WRN: variants seen among roughly 807,000 people sequenced by gnomAD.
WRN encodes the protein WRN RecQ like helicase, also known as bifunctional 3'-5' exonuclease/ATP-dependent helicase WRN.
A neutral mutation model predicts 180.7 loss-of-function variants in WRN; 149 were observed. That is an observed-to-expected ratio of 0.82 (90% CI 0.72 to 0.94). The LOEUF (loss-of-function observed/expected upper bound fraction) is 0.94, where lower values mean the gene tolerates loss of function less well. Among genes scored for constraint, WRN ranks in the 40% least tolerant of loss-of-function variants. The pLI is 0.00. For missense variants in WRN, 1,661 were observed against 1,700.1 expected, an observed-to-expected ratio of 0.98 and a Z score of 0.40; for synonymous variants, 548 against 568.9, an observed-to-expected ratio of 0.96 and a Z score of 0.52.
At chr8:31,165,946 G>A (rs761652230) in intron 33 of WRN, among the ~76,000 whole-genome samples, 4 of 151,894 alleles carry the variant, frequency 2.6e-5, no homozygotes, top group Non-Finnish European at 4.4e-5. Context: ...ATGTATAGAG[G>A]TTATCTTTTC....
chr8:31,044,336 G>A (rs1013968052), intron 1 of WRN, among the ~76,000 whole-genome samples: 2 of 124,708 alleles, frequency 1.6e-5, no homozygotes, highest in African/African-American at 6.0e-5. Context: ...CCGCTTGCCC[G>A]ACCTTCTTTT....
At chr8:31,106,427 A>G (rs1021503254) in intron 18 of WRN, among the ~76,000 whole-genome samples, 1 of 152,068 alleles carries the variant, frequency 6.6e-6, no homozygotes, top group African/African-American at 2.4e-5. Flanking sequence ...ACCGATCCTC[A>G]TGTAATCTGG....
chr8:31,083,648 G>A, intron 9 of WRN, 51 bp from the exon 10 acceptor site: 1 of 1,456,192 alleles, frequency 6.9e-7, no homozygotes, highest in Admixed American at 1.7e-5. Context: ...GCAGAAAAGA[G>A]GATATGAAGT....
At chr8:31,142,499 GT>G (rs1802680710) in intron 26 of WRN, 126 bp from the exon 27 acceptor site, 1 of 700,062 alleles carries the variant, frequency 1.4e-6, no homozygotes, top group African/African-American at 1.9e-5. Context: ...AAAAAAATCA[GT>G]TTTAAGAATC....
chr8:31,121,320 A>G (rs767059939), intron 21 of WRN, among the ~76,000 whole-genome samples: 3 of 151,932 alleles, frequency 2.0e-5, no homozygotes, highest in Non-Finnish European at 4.4e-5. Flanking sequence ...AGTGCCTCCC[A>G]CTACAGTTTT....
Position 31,039,158 on chromosome 8 carries a change from G to A in WRN, c.-77+5185G>A, listed in dbSNP as rs1299457940. 4.6e-5 allele frequency among the ~76,000 whole-genome samples: 7 copies of A among 152,326 alleles called. No individual in the cohort carries two copies. The East Asian group carries it at 9.6e-4, about 21-fold the overall frequency. ...TTGAATCTGTAGATAACTTTGGGTAGTATTGACATCTTAACAATATTAAGT... is the reference window on the plus strand; with the variant it reads ...TTGAATCTGTAGATAACTTTGGGTAATATTGACATCTTAACAATATTAAGT... On this transcript the variant is annotated intron_variant, in intron 1 of 34. Coordinates refer to ENST00000298139, the MANE Select transcript of WRN (RefSeq NM_000553.6).
At chr8:31,107,512 G>C (rs1488936616) in intron 18 of WRN, among the ~76,000 whole-genome samples, 1 of 152,112 alleles carries the variant, frequency 6.6e-6, no homozygotes, top group African/African-American at 2.4e-5. Flanking sequence ...GGTGTTGGCC[G>C]AGCAGTGGCT....
intron 32 of WRN, among the ~76,000 whole-genome samples, chr8:31,155,601 G>A (rs933003385): frequency 4.3e-5 from 6 of 140,760 alleles, no homozygotes; most frequent in Non-Finnish European, 6.0e-5. Context: ...CAACCTGGGC[G>A]ACCGAGCAAG....
At chr8:31,063,454 A>G (rs1238520404) in intron 3 of WRN, among the ~76,000 whole-genome samples, 1 of 152,230 alleles carries the variant, frequency 6.6e-6, no homozygotes, top group Admixed American at 6.5e-5. Flanking sequence ...TACACATCTG[A>G]GGGTTTCATT....
At chr8:31,112,918 C>T (rs1801373200) in intron 19 of WRN, among the ~76,000 whole-genome samples, 1 of 151,968 alleles carries the variant, frequency 6.6e-6, no homozygotes, top group Non-Finnish European at 1.5e-5. Flanking sequence ...AAAATAAATG[C>T]TTCTTGTCCA....
rs571432282 is a variant in WRN, at chr8:31,046,135, CTT to C, written c.-77+12163_-77+12164del. ...TGGATATAATTGTATTTGATTCTGT[CTT>C]ATATATAAAAATGAGATAGGATAAT... On this transcript the variant is annotated intron_variant, in intron 1 of 34. Transcript: ENST00000298139. Among the ~76,000 whole-genome samples, 24 of 152,016 alleles carry C rather than the reference CTT, an allele frequency of 1.6e-4. No individual in the cohort carries two copies. The South Asian group carries it at 2.9e-3, about 18-fold the overall frequency.
At position 31,105,871 on chromosome 8, in the gene WRN, T is replaced by A. The variant is rs187707938; in HGVS notation, c.2088+4916T>A. On this transcript the variant is annotated intron_variant, in intron 18 of 34. Transcript: ENST00000298139. ...AGTTGTTTTTGCCTCTTTGCCAGCA[T>A]TTGGTGTTGTCACTATTAGTTCATT... Among the ~76,000 whole-genome samples the A allele has an allele frequency of 1.3e-3, 198 of 152,330 alleles. 2 individuals are homozygous for A. The highest frequency in any genetic ancestry group is 4.5e-3 in the African/African-American group (188 of 41,570).
At chr8:31,059,327 T>C in intron 3 of WRN, 62 bp downstream of exon 3, 1 of 1,378,026 alleles carries the variant, frequency 7.3e-7, no homozygotes. Flanking sequence ...ACTATTATGG[T>C]AATGTTTGTG....
At position 31,167,028 on chromosome 8, in the gene WRN, G is replaced by A. The variant is rs778162176; in HGVS notation, c.3989G>A (p.Ser1330Asn). Reference sequence around the variant, plus strand: ...GTTTTTTTATCGTTTACAGATATGAGTAAAATTAGCCTAATCAGAATGTTA... The same window carrying A: ...GTTTTTTTATCGTTTACAGATATGAATAAAATTAGCCTAATCAGAATGTTA... ...IRNPPVNSDM[S>N]KISLIRMLVP... The change falls in exon 34 of 35, where the codon AGT (serine) becomes AAT (asparagine). Residue 1330 changes from serine (S) to asparagine (N), a missense_variant. Physicochemically the swap from Ser to Asn is conservative, Grantham distance 46. Around this residue, in one of 3 missense-constraint regions of WRN, gnomAD observed 1,141 missense variants for 1,149.4 expected, o/e 0.99. Transcript: ENST00000298139. The A allele has an allele frequency of 5.0e-6, 8 of 1,612,438 alleles. No homozygotes were observed. Among genetic ancestry groups the A allele is most frequent in the African/African-American group, 2.7e-5 (2 of 74,846 alleles).
chr8:31,169,100 T>A (rs1005620695), intron 34 of WRN, among the ~76,000 whole-genome samples: 1 of 151,946 alleles, frequency 6.6e-6, no homozygotes, highest in Non-Finnish European at 1.5e-5. Flanking sequence ...ACTTCATATT[T>A]CTTCTTCAGG....
intron 33 of WRN, among the ~76,000 whole-genome samples, chr8:31,165,185 G>A (rs898376282): frequency 1.3e-5 from 2 of 151,806 alleles, no homozygotes; most frequent in Non-Finnish European, 1.5e-5. Context: ...TTTGTTTAGC[G>A]CATTACATGA....
chr8:31,064,505 A>C (rs1812619113), intron 4 of WRN, 71 bp downstream of exon 4: 13 of 1,599,936 alleles, frequency 8.1e-6, no homozygotes, highest in Non-Finnish European at 1.1e-5. Context: ...CTATAAAATT[A>C]AGTTCTTTTA....
intron 24 of WRN, among the ~76,000 whole-genome samples, chr8:31,140,969 A>G (rs556452265): frequency 3.9e-5 from 6 of 152,040 alleles, no homozygotes; most frequent in African/African-American, 1.4e-4. Flanking sequence ...GTTAGCCATG[A>G]TGGTCTCAAT....
At chr8:31,153,347 G>A (rs925805280) in intron 31 of WRN, among the ~76,000 whole-genome samples, 2 of 152,054 alleles carry the variant, frequency 1.3e-5, no homozygotes, top group African/African-American at 4.8e-5. Context: ...CCATGGTGTT[G>A]CCATAGTGGG....
Sources: gnomAD v4.1 joint callset for allele counts (sites outside exome capture counted in the v4.1 genomes callset) on GRCh38, gnomAD v4.1.1 for gene constraint, gnomAD v4.1.1 regional missense constraint, MANE v1.5 for transcripts, NCBI Gene and HGNC (gene_info 2026-07-23, HGNC 2026-07-21) for gene names.